Variants in ERBB4 observed in about 807,000 individuals in gnomAD.
The protein encoded by ERBB4 is receptor tyrosine-protein kinase erbB-4.
ERBB4 carries 42 observed loss-of-function variants against 158.0 expected under a neutral mutation model. That is an observed-to-expected ratio of 0.27 (90% CI 0.21 to 0.34). ERBB4 has a LOEUF of 0.34. ERBB4 is among the 10% of genes least tolerant of loss of function. The pLI is 1.00. For synonymous variants in ERBB4, 583 were observed against 558.7 expected, an observed-to-expected ratio of 1.04 and a Z score of -0.61; for missense variants, 1,333 against 1,624.1, an observed-to-expected ratio of 0.82 and a Z score of 3.08.
In ERBB4 at chr2:211,592,201, G is replaced by T. The variant is rs571925108; in HGVS notation, c.2301+26976C>A. On this transcript the variant is annotated intron_variant, in intron 19 of 27. Coordinates refer to ENST00000342788, the MANE Select transcript of ERBB4 (RefSeq NM_005235.3). Reference sequence around the variant, plus strand: ...GCCCGGTAGACGCAGGGCTTTGGGCGTTATCAATCGGATGAATTCCTGGGA... The same window carrying T: ...GCCCGGTAGACGCAGGGCTTTGGGCTTTATCAATCGGATGAATTCCTGGGA... Among the ~76,000 whole-genome samples the T allele has an allele frequency of 1.3e-3, 196 of 152,312 alleles. 1 individual carries two copies. Among genetic ancestry groups the T allele is most frequent in the African/African-American group, 4.5e-3 (186 of 41,574 alleles).
At chr2:212,381,570 A>G (rs2106412410) in intron 1 of ERBB4, among the ~76,000 whole-genome samples, 1 of 151,386 alleles carries the variant, frequency 6.6e-6, no homozygotes, top group South Asian at 2.1e-4. Flanking sequence ...AATACCACCA[A>G]ATCAACCATT....
At chr2:211,974,923 AT>A (rs1455105997) in intron 2 of ERBB4, among the ~76,000 whole-genome samples, 1 of 152,152 alleles carries the variant, frequency 6.6e-6, no homozygotes, top group Non-Finnish European at 1.5e-5. Context: ...ATATAACCAG[AT>A]TTAATTTTTA....
chr2:212,439,018 C>T (rs1291261350), intron 1 of ERBB4, among the ~76,000 whole-genome samples: 1 of 152,072 alleles, frequency 6.6e-6, no homozygotes, highest in Non-Finnish European at 1.5e-5. Context: ...AAACTGGATG[C>T]CCTTTCAATA....
At chr2:211,615,161 A>T (rs1255314095) in intron 19 of ERBB4, among the ~76,000 whole-genome samples, 1 of 152,050 alleles carries the variant, frequency 6.6e-6, no homozygotes, top group Admixed American at 6.6e-5. Flanking sequence ...TAAAACATTT[A>T]AAAACAGTCA....
At chr2:211,420,725 A>G in intron 24 of ERBB4, 114 bp from the exon 25 acceptor site, 1 of 950,438 alleles carries the variant, frequency 1.1e-6, no homozygotes, top group African/African-American at 1.7e-5. Flanking sequence ...ATTCATACAC[A>G]CATTTTAAAA....
At chr2:211,988,933 T>A (rs1286833402) in intron 2 of ERBB4, among the ~76,000 whole-genome samples, 1 of 152,090 alleles carries the variant, frequency 6.6e-6, no homozygotes, top group Non-Finnish European at 1.5e-5. Context: ...TCTATTTTTT[T>A]CTAAAATGAA....
chr2:211,988,808 A>G lies in ERBB4; in HGVS notation c.235-41192T>C, dbSNP rs149349583. 2.2e-4 allele frequency among the ~76,000 whole-genome samples: 33 copies of G among 152,122 alleles called. 1 individual carries two copies. In the East Asian group the frequency reaches 5.6e-3, roughly 26 times the overall value. On this transcript the variant is annotated intron_variant, in intron 2 of 27. Transcript: ENST00000342788. ...TTTTATCAATCTTTGCATGTTTTCC[A>G]ACCCCAAGGTCATTGGAGCTTAAGT...
chr2:211,848,166 C>A (rs62184495), intron 3 of ERBB4, among the ~76,000 whole-genome samples: 3 of 151,888 alleles, frequency 2.0e-5, no homozygotes, highest in African/African-American at 7.3e-5. Flanking sequence ...ATATTATCTA[C>A]CTGATATTGG....
chr2:211,612,664 GAATC>G (rs2069243565), intron 19 of ERBB4, among the ~76,000 whole-genome samples: 1 of 151,948 alleles, frequency 6.6e-6, no homozygotes, highest in Admixed American at 6.6e-5. Flanking sequence ...TGTAAGCTAA[GAATC>G]TGATATTTTA....
chr2:212,344,344 T>C (rs747493047), intron 1 of ERBB4, among the ~76,000 whole-genome samples: 12 of 152,216 alleles, frequency 7.9e-5, no homozygotes, highest in Admixed American at 2.6e-4. Context: ...CTCTACCCAG[T>C]TGCGACAACC....
Position 212,325,909 on chromosome 2 carries a change from A to G in ERBB4, c.83-201006T>C, listed in dbSNP as rs115440749. On this transcript the variant is annotated intron_variant, in intron 1 of 27. Transcript: ENST00000342788. ...AATGAAATTGTTTGCTCATAATTTT[A>G]TCGGTCTAAGTATTTGGCAAAAAAC... 2.8e-3 allele frequency among the ~76,000 whole-genome samples: 425 copies of G among 150,630 alleles called. 5 individuals carry two copies. Among genetic ancestry groups the G allele is most frequent in the African/African-American group, 1.0e-2 (412 of 41,378 alleles).
At chr2:211,388,836 G>C (rs926986981) in intron 25 of ERBB4, among the ~76,000 whole-genome samples, 1 of 152,196 alleles carries the variant, frequency 6.6e-6, no homozygotes, top group Non-Finnish European at 1.5e-5. Context: ...TACTAATTCT[G>C]TTTCTTAATA....
intron 25 of ERBB4, among the ~76,000 whole-genome samples, chr2:211,393,460 AT>A (rs2062845896): frequency 6.6e-6 from 1 of 152,150 alleles, no homozygotes; most frequent in African/African-American, 2.4e-5. Context: ...TATACCACAC[AT>A]AGATTTTGAC....
chr2:212,182,598 A>G (rs1324662257), intron 1 of ERBB4, among the ~76,000 whole-genome samples: 1 of 151,774 alleles, frequency 6.6e-6, no homozygotes, highest in African/African-American at 2.4e-5. Flanking sequence ...TAGTGAGCAT[A>G]TTTTATTTCA....
chr2:212,440,739 T>G (rs1364813022), intron 1 of ERBB4, among the ~76,000 whole-genome samples: 1 of 152,164 alleles, frequency 6.6e-6, no homozygotes, highest in Admixed American at 6.5e-5. Context: ...GCAAAATAAA[T>G]GCACTTAACA....
intron 2 of ERBB4, among the ~76,000 whole-genome samples, chr2:212,067,470 A>G (rs1056193426): frequency 6.6e-6 from 1 of 151,982 alleles, no homozygotes. Context: ...GAATTCTTCT[A>G]ATTTTGTCCA....
At chr2:212,213,943 T>C (rs2090863) in intron 1 of ERBB4, among the ~76,000 whole-genome samples, 78,901 of 151,586 alleles carry the variant, frequency 0.52, 20,933 homozygotes, top group East Asian at 0.77. Context: ...AATCCCTTTG[T>C]TATACAAAGT....
intron 22 of ERBB4, among the ~76,000 whole-genome samples, chr2:211,427,508 T>C (rs1246834596): frequency 6.6e-6 from 1 of 152,178 alleles, no homozygotes; most frequent in Non-Finnish European, 1.5e-5. Context: ...TAATTATAAA[T>C]GTCACTCTTT....
At position 211,408,479 on chromosome 2, in the gene ERBB4, C is replaced by T. The variant is rs1301470441; in HGVS notation, c.3135+11962G>A. 2.0e-5 allele frequency among the ~76,000 whole-genome samples: 3 copies of T among 152,106 alleles called. No individual in the cohort carries two copies. The East Asian group carries it at 5.8e-4, about 29-fold the overall frequency. On this transcript the variant is annotated intron_variant, in intron 25 of 27. Transcript: ENST00000342788. ...AACTGTTCAGAAAGGCTTCTCGTGC[C>T]AGCTGATAGTTGCTCAAGTGTAAAA...
Sources: gnomAD v4.1 joint callset for allele counts (sites outside exome capture counted in the v4.1 genomes callset) on GRCh38, gnomAD v4.1.1 for gene constraint, MANE v1.5 for transcripts, NCBI Gene and HGNC (gene_info 2026-07-23, HGNC 2026-07-21) for gene names.